Variants in EDN1 observed in about 807,000 individuals in gnomAD.
EDN1 encodes the protein endothelin-1.
Under a neutral mutation model 21.7 loss-of-function variants are expected in EDN1, and 11 were observed. The observed-to-expected ratio is 0.51, with a 90% CI of 0.32 to 0.84. The LOEUF (loss-of-function observed/expected upper bound fraction) is 0.84, where lower values mean the gene tolerates loss of function less well. Ranked by LOEUF, EDN1 falls within the 40% of genes least tolerant of loss-of-function variation. The pLI is 0.03. For missense variants in EDN1, 244 were observed against 262.3 expected (o/e 0.93, Z 0.48); for synonymous variants, 85 against 90.6 (o/e 0.94, Z 0.35).
the EDN1 span, among the ~76,000 whole-genome samples, chr6:12,261,219 C>T: frequency 6.6e-6 from 1 of 152,296 alleles, no homozygotes; most frequent in African/African-American, 2.4e-5. Context: ...TTCAGGGAAA[C>T]ACCTCGAAGA....
At chr6:12,230,944 A>T in the EDN1 span, among the ~76,000 whole-genome samples, 1 of 152,216 alleles carries the variant, frequency 6.6e-6, no homozygotes, top group African/African-American at 2.4e-5. Context: ...CCCAAGGCAC[A>T]GAACCAAAAC....
the EDN1 span, among the ~76,000 whole-genome samples, chr6:12,252,732 CT>C: frequency 6.6e-6 from 1 of 151,938 alleles, no homozygotes; most frequent in Non-Finnish European, 1.5e-5. Context: ...TCATTTATGT[CT>C]TTTTTTTCAT....
the EDN1 span, among the ~76,000 whole-genome samples, chr6:12,266,752 A>G: frequency 2.0e-5 from 3 of 152,116 alleles, no homozygotes; most frequent in South Asian, 2.1e-4. Flanking sequence ...GGCCTGCAGA[A>G]AGTTTGTGAG....
chr6:12,271,123 C>G, the EDN1 span, among the ~76,000 whole-genome samples: 1 of 151,660 alleles, frequency 6.6e-6, no homozygotes, highest in Admixed American at 6.6e-5. Context: ...TTTTTTTAAA[C>G]TCTATTTAGC....
the EDN1 span, among the ~76,000 whole-genome samples, chr6:12,238,348 G>C: frequency 1.3e-5 from 2 of 152,124 alleles, no homozygotes; most frequent in Admixed American, 6.6e-5. Flanking sequence ...TGTCCCAGTG[G>C]AGTCATTTCT....
intron 4 of EDN1, among the ~76,000 whole-genome samples, chr6:12,295,646 TA>T (rs1392757590): frequency 1.3e-5 from 2 of 152,138 alleles, no homozygotes; most frequent in Admixed American, 6.5e-5. Flanking sequence ...CAGGGTCACA[TA>T]GTGATGAAGG....
rs554814455 is a variant in EDN1 at position 12,293,753 on chromosome 6, G to T, written c.234-188G>T. On this transcript the variant is annotated intron_variant, in intron 2 of 4. Coordinates refer to ENST00000379375, the MANE Select transcript of EDN1 (RefSeq NM_001955.5). ...AGAAAAACTTGTTTTCTCCTGCCTG[G>T]ATACATACAGTCAGGGCCATTGATG... Among the ~76,000 whole-genome samples, 4 of 152,262 alleles carry T rather than the reference G, an allele frequency of 2.6e-5. No homozygotes were observed. In the South Asian group the frequency reaches 6.2e-4, roughly 24 times the overall value.
chr6:12,290,550 T>C lies in EDN1; in HGVS notation c.-80T>C, dbSNP rs555478937. ...TGAGATCTGAGGAACCCGCAGCGCT[T>C]TGAGGGACCTGAAGCTGTTTTTCTT... On this transcript the variant is annotated 5_prime_UTR_variant, in exon 1 of 5. Coordinates refer to ENST00000379375, the MANE Select transcript of EDN1 (RefSeq NM_001955.5). 1 of 1,203,084 alleles carries C rather than the reference T, an allele frequency of 8.3e-7. No individual in the cohort carries two copies. Among genetic ancestry groups the C allele is most frequent in the Admixed American group, 1.8e-5 (1 of 56,772 alleles). 74.5% of individuals were successfully genotyped at this position (1,203,084 alleles called of 1,614,324 possible).
the EDN1 span, among the ~76,000 whole-genome samples, chr6:12,239,796 C>G: frequency 1.3e-5 from 2 of 152,030 alleles, no homozygotes; most frequent in African/African-American, 4.8e-5. Flanking sequence ...GTGGTCCCAG[C>G]TATTCAGGAG....
At chr6:12,238,775 C>A in the EDN1 span, among the ~76,000 whole-genome samples, 1 of 152,194 alleles carries the variant, frequency 6.6e-6, no homozygotes, top group African/African-American at 2.4e-5. Flanking sequence ...AGGACCCAGG[C>A]AGGCTGTGCA....
the EDN1 span, among the ~76,000 whole-genome samples, chr6:12,283,084 C>A: frequency 1.3e-5 from 2 of 152,006 alleles, no homozygotes; most frequent in African/African-American, 4.8e-5. Flanking sequence ...GTGCAAAAGC[C>A]AAATCAAACA....
At chr6:12,288,659 A>G (rs1762605691), upstream of EDN1, among the ~76,000 whole-genome samples, 1 of 152,062 alleles carries the variant, frequency 6.6e-6, no homozygotes, top group Admixed American at 6.5e-5. Flanking sequence ...GATGCATGTC[A>G]TTATGGACCT....
chr6:12,267,823 C>T, the EDN1 span, among the ~76,000 whole-genome samples: 2 of 152,154 alleles, frequency 1.3e-5, no homozygotes. Context: ...GGCTTCAAAG[C>T]TTCAAAGGAC....
In EDN1 at chr6:12,296,369, A is replaced by G. The variant is rs941809618; in HGVS notation, c.*302A>G. 5.8e-6 allele frequency: 2 copies of G among 345,238 alleles called. No individual in the cohort carries two copies. Among genetic ancestry groups the G allele is most frequent in the Non-Finnish European group, 1.1e-5 (2 of 177,446 alleles). The allele number at this position is 345,238 out of a possible 1,614,324, so 21.4% of individuals were successfully genotyped here. On this transcript the variant is annotated 3_prime_UTR_variant, in exon 5 of 5. Coordinates refer to ENST00000379375, the MANE Select transcript of EDN1 (RefSeq NM_001955.5). ...CGGGTGGCATCCTCCGGAGAGAGAG[A>G]GAGGAAGGAGATTCCACACAGGGGT...
chr6:12,257,669 A>G, the EDN1 span, among the ~76,000 whole-genome samples: 1 of 152,128 alleles, frequency 6.6e-6, no homozygotes. Flanking sequence ...ATTATGACAC[A>G]GTGTATTTTA....
intron 4 of EDN1, 81 bp from the exon 5 acceptor site, chr6:12,295,881 G>C: frequency 1.4e-6 from 2 of 1,447,148 alleles, no homozygotes; most frequent in Non-Finnish European, 1.9e-6. Flanking sequence ...GTTTGTGCCA[G>C]ATTCTAATTT....
At chr6:12,269,891 T>A in the EDN1 span, among the ~76,000 whole-genome samples, 33 of 151,986 alleles carry the variant, frequency 2.2e-4, 1 homozygote, top group East Asian at 6.2e-3. Context: ...GATGTTCATT[T>A]AAAAAAAATG....
At chr6:12,247,699 G>A in the EDN1 span, among the ~76,000 whole-genome samples, 1 of 151,210 alleles carries the variant, frequency 6.6e-6, no homozygotes, top group African/African-American at 2.4e-5. Flanking sequence ...CCACCACGCC[G>A]GGCTAATTTT....
the EDN1 span, among the ~76,000 whole-genome samples, chr6:12,243,029 AGATAACTTTT>A: frequency 6.6e-6 from 1 of 152,198 alleles, no homozygotes; most frequent in Admixed American, 6.5e-5. Flanking sequence ...AAAAATCCAC[AGATAACTTTT>A]GATTCCCCAA....
Sources: allele counts gnomAD v4.1 joint callset (sites outside exome capture counted in the v4.1 genomes callset), GRCh38; gene constraint gnomAD v4.1.1; transcripts MANE v1.5; gene names NCBI Gene and HGNC (gene_info 2026-07-23, HGNC 2026-07-21).